The following SLC7A9 variants were observed in gnomAD, a reference collection of about 807,000 sequenced individuals.
SLC7A9 encodes B(0,+)-type amino acid transporter 1.
Under a neutral mutation model 54.1 loss-of-function variants are expected in SLC7A9, and 38 were observed. The ratio of observed to expected loss-of-function variants is 0.70; its 90% CI spans 0.54 to 0.92. The LOEUF is 0.92. SLC7A9 is among the 40% of genes least tolerant of loss of function. The pLI is 0.00. For synonymous variants in SLC7A9, 264 were observed against 258.9 expected, an observed-to-expected ratio of 1.02 and a Z score of -0.19; for missense variants, 537 against 636.1, an observed-to-expected ratio of 0.84 and a Z score of 1.68.
intron 9 of SLC7A9, among the ~76,000 whole-genome samples, chr19:32,845,934 G>A (rs1968277284): frequency 6.6e-6 from 1 of 152,150 alleles, no homozygotes; most frequent in East Asian, 1.9e-4. Context: ...AACCTAGGAG[G>A]CAGAAGTTGC....
At chr19:32,865,884 C>A (rs1968952429) in intron 2 of SLC7A9, among the ~76,000 whole-genome samples, 1 of 150,904 alleles carries the variant, frequency 6.6e-6, no homozygotes. Flanking sequence ...GCAGGAGAAT[C>A]TCTTGAACCC....
chr19:32,864,376 G>C (rs756523561), intron 3 of SLC7A9, 38 bp from the exon 4 acceptor site: 1 of 1,612,436 alleles, frequency 6.2e-7, no homozygotes, highest in Non-Finnish European at 8.5e-7. Context: ...GGCCCCTTGT[G>C]AGGCACTGCC....
chr19:32,864,829 G>A, intron 2 of SLC7A9, 53 bp from the exon 3 acceptor site: 2 of 1,612,380 alleles, frequency 1.2e-6, no homozygotes, highest in Non-Finnish European at 1.7e-6. Context: ...ACCCAGCCCA[G>A]AAGGCCAGGT....
Position 32,864,715 on chromosome 19 carries a change from A to C in SLC7A9, c.149T>G (p.Val50Gly), listed in dbSNP as rs1968914606. The change falls in exon 3 of 13, where the codon GTT becomes GGT. Residue 50 changes from valine to glycine, a missense_variant. Val to Gly is a moderately radical substitution (Grantham distance 109). Coordinates refer to ENST00000023064, the MANE Select transcript of SLC7A9 (RefSeq NM_014270.5). ...VGTIIGSGIFVSPKSVLSNTE... is the reference protein window; with the variant it reads ...VGTIIGSGIFGSPKSVLSNTE... ...GTTGCTGAGCACAGACTTGGGGGAA[A>C]CGAAGATCCCAGAGCCAATGATGGT... The C allele has an allele frequency of 6.2e-7, 1 of 1,614,194 alleles. No individual in the cohort carries two copies.
At chr19:32,837,527 A>C (rs1967997071) in intron 11 of SLC7A9, among the ~76,000 whole-genome samples, 1 of 150,828 alleles carries the variant, frequency 6.6e-6, no homozygotes, top group Admixed American at 6.6e-5. Context: ...AAGAAACCTC[A>C]AATTCCCAAC....
At chr19:32,861,821 A>C (rs1192656357) in intron 6 of SLC7A9, among the ~76,000 whole-genome samples, 2 of 152,126 alleles carry the variant, frequency 1.3e-5, no homozygotes, top group East Asian at 1.9e-4. Context: ...TCTTAAAAAA[A>C]CAAAACAAAA....
At chr19:32,832,308 C>T (rs10424703) in intron 12 of SLC7A9, among the ~76,000 whole-genome samples, 479 of 147,972 alleles carry the variant, frequency 3.2e-3, no homozygotes, top group African/African-American at 0.011. Flanking sequence ...GAAAATGGGC[C>T]GGGCGCAGTG....
intron 2 of SLC7A9, among the ~76,000 whole-genome samples, chr19:32,866,199 T>C (rs916685828): frequency 1.3e-5 from 2 of 152,148 alleles, no homozygotes; most frequent in Admixed American, 1.3e-4. Context: ...CTGAGGACTC[T>C]GCACACACCA....
At chr19:32,860,033 C>G (rs1280573967) in intron 7 of SLC7A9, 69 bp from the exon 8 acceptor site, 1 of 1,612,778 alleles carries the variant, frequency 6.2e-7, no homozygotes. Context: ...GACGCCCTCC[C>G]TGAGGCCCTC....
rs375330054 is a variant in SLC7A9, at chr19:32,831,828, G to A, written c.1400-1144C>T. Among the ~76,000 whole-genome samples, 16 of 152,342 alleles carry A rather than the reference G, an allele frequency of 1.1e-4. No individual in the cohort carries two copies. The South Asian group carries it at 3.3e-3, about 32-fold the overall frequency. On this transcript the variant is annotated intron_variant, in intron 12 of 12. Transcript: ENST00000023064. ...ACTTTTTGTGTGTCTTTGCAATGCT[G>A]CTAGGCCTCTTAGATGATGTCTGCA...
At chr19:32,861,978 A>T (rs1050763753) in intron 6 of SLC7A9, 140 bp downstream of exon 6, 5 of 738,170 alleles carry the variant, frequency 6.8e-6, no homozygotes, top group Non-Finnish European at 1.2e-5. Context: ...ATCCTTCACA[A>T]AAAGGAAATG....
intron 11 of SLC7A9, among the ~76,000 whole-genome samples, chr19:32,841,372 ACT>A (rs1432603194): frequency 3.9e-5 from 6 of 151,976 alleles, no homozygotes; most frequent in African/African-American, 9.7e-5. Flanking sequence ...GCAAGAATAG[ACT>A]CTGAGTGGTT....
At position 32,847,646 on chromosome 19, in the gene SLC7A9, G is replaced by T. The variant is rs138412815; in HGVS notation, c.978-3695C>A. 4.8e-3 allele frequency among the ~76,000 whole-genome samples: 732 copies of T among 152,260 alleles called. 6 individuals are homozygous for T. Among genetic ancestry groups the T allele is most frequent in the African/African-American group, 0.017 (691 of 41,538 alleles). The stretch of plus-strand genomic sequence containing the variant: ...TATCCAGGAGAACTTCCCCAATCTA[G>T]CAAGGCAGGCCAATATTCAGATTCA... On this transcript the variant is annotated intron_variant, in intron 9 of 12. Transcript: ENST00000023064.
intron 2 of SLC7A9, among the ~76,000 whole-genome samples, chr19:32,866,391 C>T (rs531095497): frequency 2.6e-5 from 4 of 152,238 alleles, no homozygotes; most frequent in Admixed American, 6.5e-5. Flanking sequence ...CTGCATTCGC[C>T]CTGAAGCTGC....
intron 12 of SLC7A9, among the ~76,000 whole-genome samples, chr19:32,832,390 C>T (rs1967824199): frequency 6.6e-6 from 1 of 151,794 alleles, no homozygotes; most frequent in African/African-American, 2.4e-5. Context: ...AGTTGGAGAC[C>T]AGCCTGGCCA....
intron 9 of SLC7A9, among the ~76,000 whole-genome samples, chr19:32,853,561 A>G (rs577294225): frequency 4.6e-5 from 7 of 152,308 alleles, no homozygotes; most frequent in African/African-American, 1.7e-4. Context: ...AATTCTTTGG[A>G]ATAAATTTGA....
chr19:32,868,290 A>C (rs1044364082), intron 2 of SLC7A9, among the ~76,000 whole-genome samples, 158 bp downstream of exon 2: 3 of 151,984 alleles, frequency 2.0e-5, no homozygotes, highest in African/African-American at 7.2e-5. Flanking sequence ...AAGAGAAGTA[A>C]GTCCAGAGAT....
intron 12 of SLC7A9, chr19:32,832,777 T>C (rs1234169461): frequency 3.5e-6 from 1 of 289,376 alleles, no homozygotes; most frequent in Non-Finnish European, 6.8e-6. Flanking sequence ...CCAGGTGTAG[T>C]GTGTGCCTGT....
Position 32,864,132 on chromosome 19 carries a change from G to A in SLC7A9, c.442C>T (p.Gln148Ter), listed in dbSNP as rs1398770357. The change falls in exon 4 of 13, where the codon CAA (glutamine) becomes TAA (stop). Residue 148 changes from glutamine (Q) to a stop codon, truncating the protein, a stop_gained. Transcript: ENST00000023064. LOFTEE classifies it high-confidence loss of function. ...GCGGCCAGGCATTTCACAACGATTTGAGGAGGCTTGCAGCCCACATAGAAG... is the reference window on the plus strand; with the variant it reads ...GCGGCCAGGCATTTCACAACGATTTAAGGAGGCTTGCAGCCCACATAGAAG... The part of the protein sequence containing the change: ...APFYVGCKPP[Q>*]IVVKCLAAAA... 1 of 1,614,056 alleles carries A rather than the reference G, an allele frequency of 6.2e-7. No individual in the cohort carries two copies. The highest frequency in any genetic ancestry group is 8.5e-7 in the Non-Finnish European group (1 of 1,180,034).
Sources: allele counts gnomAD v4.1 joint callset (sites outside exome capture counted in the v4.1 genomes callset), GRCh38; gene constraint gnomAD v4.1.1; transcripts MANE v1.5; gene names NCBI Gene and HGNC (gene_info 2026-07-23, HGNC 2026-07-21).